Variants in AACS observed in about 807,000 individuals in gnomAD.
The protein encoded by AACS is acetoacetyl-CoA synthetase.
AACS carries 69 observed loss-of-function variants against 83.1 expected under a neutral mutation model. The ratio of observed to expected loss-of-function variants is 0.83; its 90% CI spans 0.68 to 1.01. The LOEUF (loss-of-function observed/expected upper bound fraction) is 1.01. Among genes scored for constraint, AACS ranks in the 50% least tolerant of loss-of-function variants. The probability of loss-of-function intolerance (pLI) is 0.00; values close to 1 mark genes in which losing one functional copy is unlikely to be tolerated. For synonymous variants in AACS, 333 were observed against 343.4 expected (o/e 0.97, Z 0.33); for missense variants, 866 against 882.2 (o/e 0.98, Z 0.23).
At chr12:125,122,633 A>T (rs1196039970) in intron 10 of AACS, 5 of 123,856 alleles carry the variant, frequency 4.0e-5, no homozygotes, top group Non-Finnish European at 8.1e-5. Context: ...ACACAGAGAG[A>T]CTCCATCTCA....
intron 1 of AACS, among the ~76,000 whole-genome samples, chr12:125,066,924 C>T (rs2136022409): frequency 6.6e-6 from 1 of 152,334 alleles, no homozygotes; most frequent in Non-Finnish European, 1.5e-5. Context: ...CACATCTCCT[C>T]CTTTGCAGCC....
At position 125,129,302 on chromosome 12, in the gene AACS, G is replaced by A; in HGVS notation, c.1424-33G>A. On this transcript the variant is annotated intron_variant, in intron 13 of 17. Transcript: ENST00000316519. This position sits in a 1 kb window ranked among gnomAD's most constrained non-coding sequence, Gnocchi z 4.3. The stretch of plus-strand genomic sequence containing the variant: ...CAGCCAGGGTGTGTGGCTGTGGTGT[G>A]TGTTGGGCTTATTTTTAATTCTCCC... 6.2e-7 allele frequency: 1 copy of A among 1,601,554 alleles called. No individual in the cohort carries two copies. The highest frequency in any genetic ancestry group is 8.5e-7 in the Non-Finnish European group (1 of 1,174,794).
rs374863735 is a variant in AACS, at chr12:125,142,096, C to T, written c.1886C>T (p.Thr629Met). The T allele has an allele frequency of 3.3e-5, 54 of 1,613,910 alleles. No homozygotes were observed. Among genetic ancestry groups the T allele is most frequent in the African/African-American group, 2.9e-4 (22 of 74,864 alleles). Residue 629 changes from threonine (T) to methionine (M), a missense_variant, in exon 18 of 18, where the codon ACG (threonine) becomes ATG (methionine). Thr to Met is a moderately conservative substitution (Grantham distance 81). Transcript: ENST00000316519. ...LILETKGIPY[T>M]LNGKKVEVAV... ...TTTTCTACCTTTCCCTCGCAGTATA[C>T]GCTCAACGGCAAGAAAGTGGAAGTT...
At chr12:125,119,058 A>G (rs745734168) in intron 10 of AACS, among the ~76,000 whole-genome samples, 3 of 152,212 alleles carry the variant, frequency 2.0e-5, no homozygotes, top group Non-Finnish European at 4.4e-5. Context: ...ATCTATTTCT[A>G]TTTTGAAGGT....
intron 9 of AACS, 146 bp from the exon 10 acceptor site, chr12:125,118,495 A>G: frequency 9.4e-7 from 1 of 1,069,346 alleles, no homozygotes. Flanking sequence ...TTGCCGGGCC[A>G]GAGTGTCCTG....
At chr12:125,098,648 C>CA (rs1032443246) in intron 5 of AACS, among the ~76,000 whole-genome samples, 5 of 152,132 alleles carry the variant, frequency 3.3e-5, no homozygotes, top group African/African-American at 1.2e-4. Context: ...GATGGGGTTT[C>CA]ACCATGTTGG....
At chr12:125,098,098 C>T (rs552517738) in intron 5 of AACS, among the ~76,000 whole-genome samples, 7 of 152,158 alleles carry the variant, frequency 4.6e-5, no homozygotes, top group South Asian at 2.1e-4. Flanking sequence ...CAAGTGGATC[C>T]GAACCAGTGT....
intron 10 of AACS, chr12:125,121,084 C>T (rs141659575): frequency 1.5e-3 from 232 of 152,404 alleles, no homozygotes; most frequent in Non-Finnish European, 2.4e-3. Flanking sequence ...TTGGCCAGAG[C>T]GCTGAGGCTG....
At chr12:125,092,872 G>A (rs1163180538) in intron 5 of AACS, among the ~76,000 whole-genome samples, 2 of 152,240 alleles carry the variant, frequency 1.3e-5, no homozygotes, top group East Asian at 3.8e-4. Flanking sequence ...CCGACCTTGA[G>A]CCAGGCTGTC....
Position 125,128,196 on chromosome 12 carries a change from A to G in AACS, c.1345A>G (p.Asn449Asp). Residue 449 changes from asparagine to aspartate, a missense_variant, in exon 13 of 18, where the codon AAT becomes GAT. By Grantham distance (23) the Asn-to-Asp change is conservative (BLOSUM62 1). Transcript: ENST00000316519. ...TDIISCFMGH[N>D]FSLPVYKGEI... is the part of the protein sequence containing the mutation. ...CATCATCTCCTGCTTCATGGGCCAC[A>G]ATTTTTCTCTTCCTGTGTATAAAGG... is the stretch of plus-strand genomic sequence containing the variant. 1 of 1,612,658 alleles carries G rather than the reference A, an allele frequency of 6.2e-7. No individual in the cohort carries two copies. The highest frequency in any genetic ancestry group is 8.5e-7 in the Non-Finnish European group (1 of 1,178,976).
chr12:125,088,224 CTTTTTTTTT>C (rs57107480), intron 4 of AACS, among the ~76,000 whole-genome samples: 2 of 131,488 alleles, frequency 1.5e-5, no homozygotes, highest in Non-Finnish European at 3.3e-5. Flanking sequence ...TCAGAGCAGA[CTTTTTTTTT>C]TTTTTTTTTT....
Position 125,118,733 on chromosome 12 carries a change from C to G in AACS, c.1089C>G (p.Pro363=). 6.2e-7 allele frequency: 1 copy of G among 1,614,144 alleles called. No individual in the cohort carries two copies. Among genetic ancestry groups the G allele is most frequent in the Non-Finnish European group, 8.5e-7 (1 of 1,180,008 alleles). ...LYDGSPLVPT[P]NVLWDLVDRI... ...ATGGCTCCCCCCTGGTGCCCACGCC[C>G]AATGTGCTCTGGGACCTGGTTGACA... Residue 363 remains proline (P), a synonymous_variant, in exon 10 of 18, where the codon CCC becomes CCG. Coordinates refer to ENST00000316519, the MANE Select transcript of AACS (RefSeq NM_023928.5).
At position 125,134,856 on chromosome 12, in the gene AACS, C is replaced by A; in HGVS notation, c.1678+4C>A. 6.2e-7 allele frequency: 1 copy of A among 1,614,136 alleles called. No individual in the cohort carries two copies. The highest frequency in any genetic ancestry group is 8.5e-7 in the Non-Finnish European group (1 of 1,180,022). ...AGCTCGGAAATCTATAACATTGGTA[C>A]GTGCTTCCCCTCCCTGAGCGTTCTC... On this transcript the variant is annotated splice_donor_region_variant and intron_variant, in intron 16 of 17. Coordinates refer to ENST00000316519, the MANE Select transcript of AACS (RefSeq NM_023928.5).
chr12:125,127,307 G>T (rs991343905), intron 12 of AACS: 2 of 152,196 alleles, frequency 1.3e-5, no homozygotes, highest in African/African-American at 2.4e-5. Flanking sequence ...TGGCAGAAAC[G>T]AACGTGACTC....
At chr12:125,121,369 T>G (rs996436877) in intron 10 of AACS, 1 of 152,288 alleles carries the variant, frequency 6.6e-6, no homozygotes, top group African/African-American at 2.4e-5. Flanking sequence ...AAAGCAGTCA[T>G]GGCAAACCCT....
intron 8 of AACS, among the ~76,000 whole-genome samples, chr12:125,112,139 CAG>C (rs1160050660): frequency 6.6e-6 from 1 of 152,208 alleles, no homozygotes; most frequent in Non-Finnish European, 1.5e-5. Flanking sequence ...TTCATGGAGA[CAG>C]TTCCTGAAAA....
rs1227499384 is a variant in AACS at position 125,130,603 on chromosome 12, A to G, written c.1549+1143A>G. ...CTGTCACTTTATTTGTCACATGTGC[A>G]AGGGTTCATGTGATAGATGTCTCTC... On this transcript the variant is annotated intron_variant, in intron 14 of 17. Coordinates refer to ENST00000316519, the MANE Select transcript of AACS (RefSeq NM_023928.5). This position sits in a 1 kb window ranked among gnomAD's most constrained non-coding sequence, Gnocchi z 4.9. Among the ~76,000 whole-genome samples, 4 of 152,234 alleles carry G rather than the reference A, an allele frequency of 2.6e-5. No individual in the cohort carries two copies. The highest frequency in any genetic ancestry group is 9.6e-5 in the African/African-American group (4 of 41,460).
intron 10 of AACS, chr12:125,123,442 A>T (rs982536889): frequency 1.3e-5 from 2 of 152,296 alleles, no homozygotes; most frequent in Non-Finnish European, 2.9e-5. Context: ...AACTCCAGCC[A>T]TCTCTAGGGT....
rs533693502 is a variant in AACS at position 125,097,410 on chromosome 12, C to G, written c.571-5269C>G. On this transcript the variant is annotated intron_variant, in intron 5 of 17. Coordinates refer to ENST00000316519, the MANE Select transcript of AACS (RefSeq NM_023928.5). The surrounding 1 kb of genome is among the most constrained non-coding windows in gnomAD (Gnocchi z 4.3). ...TCCCATGCACTTTTTTAAACTGATGCTGAAGTTGGCCAATGTTTTACTTAA... is the reference window on the plus strand; with the variant it reads ...TCCCATGCACTTTTTTAAACTGATGGTGAAGTTGGCCAATGTTTTACTTAA... Among the ~76,000 whole-genome samples, 19 of 147,814 alleles carry G rather than the reference C, an allele frequency of 1.3e-4. No homozygotes were observed. The highest frequency in any genetic ancestry group is 4.0e-4 in the African/African-American group (16 of 40,172).
Sources: allele counts gnomAD v4.1 joint callset (sites outside exome capture counted in the v4.1 genomes callset), GRCh38; gene constraint gnomAD v4.1.1; non-coding constraint Gnocchi (gnomAD v3.1); transcripts MANE v1.5; gene names NCBI Gene and HGNC (gene_info 2026-07-23, HGNC 2026-07-21).